HPSE2: variants seen among roughly 807,000 people sequenced by gnomAD.
The protein encoded by HPSE2 is heparanase 2 (inactive), also known as inactive heparanase-2.
Under a neutral mutation model 60.5 loss-of-function variants are expected in HPSE2, and 38 were observed. That is an observed-to-expected ratio of 0.63 (90% CI 0.48 to 0.82). HPSE2 has a LOEUF of 0.82. Among genes scored for constraint, HPSE2 ranks in the 40% least tolerant of loss-of-function variants. The pLI, the probability that HPSE2 is intolerant of heterozygous loss-of-function variation, is 0.00. For synonymous variants in HPSE2, 295 were observed against 293.2 expected (o/e 1.01, Z -0.06); for missense variants, 713 against 740.4 (o/e 0.96, Z 0.43).
At chr10:98,960,572 T>TA (rs1955628034) in intron 3 of HPSE2, among the ~76,000 whole-genome samples, 2 of 151,966 alleles carry the variant, frequency 1.3e-5, no homozygotes, top group Non-Finnish European at 2.9e-5. Flanking sequence ...AACGGAAGTT[T>TA]AAACTGTATC....
intron 3 of HPSE2, among the ~76,000 whole-genome samples, chr10:98,950,710 G>A (rs2135192169): frequency 6.6e-6 from 1 of 152,198 alleles, no homozygotes; most frequent in African/African-American, 2.4e-5. Flanking sequence ...TTTTACTTCA[G>A]TGCAATATTG....
intron 9 of HPSE2, among the ~76,000 whole-genome samples, chr10:98,602,554 G>GCCAA (rs1945457973): frequency 1.3e-5 from 2 of 152,018 alleles, no homozygotes; most frequent in Admixed American, 1.3e-4. Flanking sequence ...AGAGATTATG[G>GCCAA]TATTGGCCAT....
chr10:98,503,226 GA>G (rs1384034428), intron 9 of HPSE2, among the ~76,000 whole-genome samples: 9 of 133,962 alleles, frequency 6.7e-5, no homozygotes, highest in African/African-American at 1.9e-4. Flanking sequence ...AAAAGAAAAA[GA>G]AAAAAAGAAA....
At chr10:98,508,437 A>C (rs2133733664) in intron 9 of HPSE2, among the ~76,000 whole-genome samples, 1 of 152,358 alleles carries the variant, frequency 6.6e-6, no homozygotes, top group Admixed American at 6.5e-5. Flanking sequence ...CGATTCCTAT[A>C]GCCCAGTGCC....
At chr10:98,585,673 C>T (rs533030257) in intron 9 of HPSE2, among the ~76,000 whole-genome samples, 9 of 149,050 alleles carry the variant, frequency 6.0e-5, no homozygotes, top group South Asian at 2.3e-4. Flanking sequence ...TTATTAAGGC[C>T]GGGCGCAGTG....
At chr10:98,641,784 G>A in intron 7 of HPSE2, 63 bp downstream of exon 7, 1 of 1,242,460 alleles carries the variant, frequency 8.0e-7, no homozygotes, top group Non-Finnish European at 1.2e-6. Context: ...CTGGGACTTT[G>A]TGTCTTTTTC....
At chr10:98,707,675 T>C (rs2134210108) in intron 5 of HPSE2, among the ~76,000 whole-genome samples, 1 of 152,286 alleles carries the variant, frequency 6.6e-6, no homozygotes, top group African/African-American at 2.4e-5. Flanking sequence ...ATAAGTAGAA[T>C]AGTATATAGT....
intron 3 of HPSE2, among the ~76,000 whole-genome samples, chr10:98,846,955 G>T (rs1952050177): frequency 6.6e-6 from 1 of 152,148 alleles, no homozygotes; most frequent in African/African-American, 2.4e-5. Flanking sequence ...AAATCAGAGG[G>T]TGTGTATATG....
At chr10:98,819,301 C>A (rs1193793389) in intron 3 of HPSE2, among the ~76,000 whole-genome samples, 1 of 152,122 alleles carries the variant, frequency 6.6e-6, no homozygotes, top group Non-Finnish European at 1.5e-5. Context: ...CACTCATCAG[C>A]CTCAACCAGT....
At chr10:98,570,740 G>T (rs1427138949) in intron 9 of HPSE2, among the ~76,000 whole-genome samples, 2 of 152,016 alleles carry the variant, frequency 1.3e-5, no homozygotes, top group East Asian at 3.9e-4. Context: ...ACAGATAAAG[G>T]GTCTAGGGGT....
At chr10:98,723,462 G>T (rs900308177) in intron 4 of HPSE2, among the ~76,000 whole-genome samples, 2 of 152,092 alleles carry the variant, frequency 1.3e-5, no homozygotes, top group African/African-American at 4.8e-5. Flanking sequence ...TTGGTATCAG[G>T]ATGATGCTGG....
intron 5 of HPSE2, among the ~76,000 whole-genome samples, chr10:98,700,248 A>G (rs1948365912): frequency 6.6e-6 from 1 of 150,594 alleles, no homozygotes; most frequent in African/African-American, 2.4e-5. Context: ...AAACTATACT[A>G]CAAGGCTACA....
chr10:98,571,110 T>C (rs1250343240), intron 9 of HPSE2, among the ~76,000 whole-genome samples: 4 of 152,102 alleles, frequency 2.6e-5, no homozygotes, highest in Non-Finnish European at 5.9e-5. Flanking sequence ...AATTCCAGAG[T>C]TGGATTCCAG....
chr10:98,845,747 C>T (rs1952019594), intron 3 of HPSE2, among the ~76,000 whole-genome samples: 1 of 152,178 alleles, frequency 6.6e-6, no homozygotes, highest in Non-Finnish European at 1.5e-5. Flanking sequence ...GACTTCCCGT[C>T]TACTCTCCAG....
At chr10:99,276,184 G>T in the HPSE2 span, among the ~76,000 whole-genome samples, 1 of 152,026 alleles carries the variant, frequency 6.6e-6, no homozygotes, top group Admixed American at 6.6e-5. Flanking sequence ...TACAATATTC[G>T]TTGGAACAAC....
At chr10:98,571,845 T>G (rs1480212511) in intron 9 of HPSE2, among the ~76,000 whole-genome samples, 1 of 152,204 alleles carries the variant, frequency 6.6e-6, no homozygotes, top group Non-Finnish European at 1.5e-5. Context: ...AAGCCAAGCT[T>G]ATTTTCATAG....
intron 3 of HPSE2, among the ~76,000 whole-genome samples, chr10:98,963,661 G>A (rs747698651): frequency 6.6e-6 from 1 of 152,098 alleles, no homozygotes; most frequent in African/African-American, 2.4e-5. Flanking sequence ...GGTTACAAAT[G>A]TCCCCTTCCA....
chr10:98,886,587 G>T (rs1182701032), intron 3 of HPSE2, among the ~76,000 whole-genome samples: 2 of 151,572 alleles, frequency 1.3e-5, no homozygotes, highest in African/African-American at 4.8e-5. Flanking sequence ...AAGATTCAAA[G>T]GAGAGAGAGA....
intron 9 of HPSE2, among the ~76,000 whole-genome samples, chr10:98,556,967 T>C (rs1025326355): frequency 3.4e-4 from 52 of 152,194 alleles, no homozygotes; most frequent in Middle Eastern, 3.4e-3. Context: ...TCCCAGCACT[T>C]TGGGCGGCTG....
Sources: allele counts gnomAD v4.1 joint callset (sites outside exome capture counted in the v4.1 genomes callset), GRCh38; gene constraint gnomAD v4.1.1; transcripts MANE v1.5; gene names NCBI Gene and HGNC (gene_info 2026-07-23, HGNC 2026-07-21).